The following DPP10 variants were observed in gnomAD, a reference collection of about 807,000 sequenced individuals.
DPP10 encodes the protein dipeptidyl peptidase like 10, also known as inactive dipeptidyl peptidase 10.
Under a neutral mutation model 120.9 loss-of-function variants are expected in DPP10, and 33 were observed. That is an observed-to-expected ratio of 0.27 (90% CI 0.21 to 0.37). The LOEUF is 0.37. Among genes scored for constraint, DPP10 ranks in the 10% least tolerant of loss-of-function variants. The probability of loss-of-function intolerance (pLI) is 1.00; values close to 1 mark genes in which losing one functional copy is unlikely to be tolerated. For synonymous variants in DPP10, 337 were observed against 326.1 expected (o/e 1.03, Z -0.36); for missense variants, 816 against 942.8 (o/e 0.87, Z 1.76).
At chr2:115,038,570 C>G (rs1019763457) in intron 1 of DPP10, among the ~76,000 whole-genome samples, 2 of 152,158 alleles carry the variant, frequency 1.3e-5, no homozygotes, top group African/African-American at 2.4e-5. Flanking sequence ...AGCCACTGCA[C>G]CCAGCCTCAG....
At chr2:115,284,290 A>G (rs1304623652) in intron 1 of DPP10, among the ~76,000 whole-genome samples, 1 of 152,028 alleles carries the variant, frequency 6.6e-6, no homozygotes, top group African/African-American at 2.4e-5. Flanking sequence ...ACTCTTCTCC[A>G]TAACATTCTG....
At chr2:115,749,925 C>T in intron 10 of DPP10, 4 of 941,132 alleles carry the variant, frequency 4.3e-6, no homozygotes, top group Non-Finnish European at 5.1e-6. Flanking sequence ...GCCAGACCAC[C>T]CAGCTGATAG....
chr2:115,697,072 A>ATT (rs2091632501), intron 7 of DPP10, among the ~76,000 whole-genome samples: 1 of 152,150 alleles, frequency 6.6e-6, no homozygotes, highest in African/African-American at 2.4e-5. Flanking sequence ...CAAAGAAAAT[A>ATT]ATAAATATAC....
intron 1 of DPP10, chr2:115,064,583 C>G: frequency 3.4e-6 from 4 of 1,160,602 alleles, no homozygotes; most frequent in Non-Finnish European, 4.5e-6. Context: ...ACACATATTT[C>G]GGTTGGACAT....
intron 1 of DPP10, among the ~76,000 whole-genome samples, chr2:114,758,236 T>G (rs1269214578): frequency 6.6e-6 from 1 of 152,230 alleles, no homozygotes; most frequent in African/African-American, 2.4e-5. Context: ...TACCCAACTC[T>G]GTTCACTTTC....
intron 1 of DPP10, among the ~76,000 whole-genome samples, chr2:115,110,226 G>A (rs796582405): frequency 7.2e-5 from 11 of 152,286 alleles, no homozygotes; most frequent in African/African-American, 2.6e-4. Flanking sequence ...GACGAGGAAA[G>A]TCTAAAAATT....
intron 1 of DPP10, among the ~76,000 whole-genome samples, chr2:115,248,178 G>A (rs540443981): frequency 6.6e-6 from 1 of 152,250 alleles, no homozygotes; most frequent in South Asian, 2.1e-4. Context: ...GTGTCTGATG[G>A]ATGCTGCTGT....
intron 1 of DPP10, among the ~76,000 whole-genome samples, chr2:114,748,384 T>G (rs1250069408): frequency 2.1e-5 from 3 of 143,126 alleles, no homozygotes; most frequent in African/African-American, 7.8e-5. Context: ...ATTTATTTAT[T>G]TATTTATTTA....
At chr2:114,806,293 G>A (rs1352742076) in intron 1 of DPP10, among the ~76,000 whole-genome samples, 1 of 152,156 alleles carries the variant, frequency 6.6e-6, no homozygotes, top group East Asian at 1.9e-4. Flanking sequence ...ACTGAAGCTA[G>A]CCATGTATTA....
At chr2:115,332,007 T>C (rs1190638788) in intron 2 of DPP10, among the ~76,000 whole-genome samples, 2 of 152,208 alleles carry the variant, frequency 1.3e-5, no homozygotes, top group South Asian at 4.1e-4. Context: ...TGGTACCAGC[T>C]TCTCCTTGTA....
chr2:115,380,445 T>C (rs1366194694), intron 3 of DPP10, among the ~76,000 whole-genome samples: 1 of 152,216 alleles, frequency 6.6e-6, no homozygotes, highest in Admixed American at 6.5e-5. Context: ...CCTATGTGTG[T>C]CTCTGCATGT....
At chr2:115,466,128 A>G (rs1221951023) in intron 3 of DPP10, among the ~76,000 whole-genome samples, 2 of 151,314 alleles carry the variant, frequency 1.3e-5, no homozygotes, top group Non-Finnish European at 2.9e-5. Context: ...ACTGAATTGT[A>G]TTCTACTCTA....
At chr2:115,362,723 T>G (rs866668980) in intron 3 of DPP10, among the ~76,000 whole-genome samples, 10 of 152,234 alleles carry the variant, frequency 6.6e-5, no homozygotes, top group Admixed American at 3.9e-4. Context: ...AAGGTACAGT[T>G]GAAGCTACTG....
At chr2:114,529,547 T>G (rs1445253732) in intron 1 of DPP10, among the ~76,000 whole-genome samples, 1 of 152,152 alleles carries the variant, frequency 6.6e-6, no homozygotes, top group Admixed American at 6.5e-5. Context: ...TCTTTTATTG[T>G]TCCTTGAAAT....
chr2:115,358,734 G>T (rs1186508459), intron 3 of DPP10, among the ~76,000 whole-genome samples: 1 of 152,182 alleles, frequency 6.6e-6, no homozygotes, highest in Non-Finnish European at 1.5e-5. Flanking sequence ...AAGAAAAGAG[G>T]TTTAATTGCC....
At chr2:114,508,206 A>G (rs1683841235) in intron 1 of DPP10, among the ~76,000 whole-genome samples, 1 of 152,200 alleles carries the variant, frequency 6.6e-6, no homozygotes. Context: ...AAGCTATAAA[A>G]TAGTGCCATC....
intron 5 of DPP10, among the ~76,000 whole-genome samples, chr2:115,633,630 A>G (rs2086078520): frequency 6.6e-6 from 1 of 152,140 alleles, no homozygotes. Context: ...TCTGGAATAT[A>G]GGGTTTCTGC....
intron 1 of DPP10, among the ~76,000 whole-genome samples, chr2:114,690,826 G>A (rs1699691095): frequency 6.6e-6 from 1 of 151,084 alleles, no homozygotes; most frequent in Non-Finnish European, 1.5e-5. Context: ...TCTTTTTGTA[G>A]CAGTTTTGAA....
At chr2:115,097,253 C>T (rs2048447439) in intron 1 of DPP10, among the ~76,000 whole-genome samples, 1 of 152,122 alleles carries the variant, frequency 6.6e-6, no homozygotes, top group Non-Finnish European at 1.5e-5. Flanking sequence ...TTAATAAATG[C>T]TCTTCTAACC....
Sources: gnomAD v4.1 joint callset for allele counts (sites outside exome capture counted in the v4.1 genomes callset) on GRCh38, gnomAD v4.1.1 for gene constraint, MANE v1.5 for transcripts, NCBI Gene and HGNC (gene_info 2026-07-23, HGNC 2026-07-21) for gene names.